SPMAP2L: variants seen among roughly 807,000 people sequenced by gnomAD.
SPMAP2L encodes the protein sperm microtubule associated protein 2-like.
the SPMAP2L span, among the ~76,000 whole-genome samples, chr4:56,552,248 A>G: frequency 1.0e-3 from 154 of 152,308 alleles, 1 homozygote; most frequent in African/African-American, 3.0e-3. Context: ...TAATAGACTG[A>G]TTGAGGTTTT....
At chr4:56,545,276 T>G in the SPMAP2L span, among the ~76,000 whole-genome samples, 2 of 152,206 alleles carry the variant, frequency 1.3e-5, no homozygotes, top group East Asian at 3.8e-4. Context: ...CCTGACTATT[T>G]TTCTCTTTCC....
At chr4:56,617,146 G>A in the SPMAP2L span, among the ~76,000 whole-genome samples, 83 of 152,220 alleles carry the variant, frequency 5.5e-4, no homozygotes, top group African/African-American at 1.8e-3. Flanking sequence ...GTGTACTTGC[G>A]CAAACCTAGG....
chr4:56,590,050 A>G, the SPMAP2L span, among the ~76,000 whole-genome samples: 1 of 152,106 alleles, frequency 6.6e-6, no homozygotes, highest in African/African-American at 2.4e-5. Context: ...TTCCAGTACT[A>G]TGTTGAAGAG....
chr4:56,531,200 CT>C, the SPMAP2L span: 1 of 1,497,958 alleles, frequency 6.7e-7, no homozygotes, highest in Non-Finnish European at 8.9e-7. Context: ...GTCCCCTCTC[CT>C]GCTTCTCCCT....
the SPMAP2L span, among the ~76,000 whole-genome samples, chr4:56,602,898 A>G: frequency 2.6e-5 from 4 of 152,160 alleles, no homozygotes; most frequent in Non-Finnish European, 4.4e-5. Context: ...TAAATGATAC[A>G]TAGGGGATAC....
the SPMAP2L span, among the ~76,000 whole-genome samples, chr4:56,564,112 G>A: frequency 1.0e-4 from 15 of 148,702 alleles, no homozygotes; most frequent in South Asian, 2.3e-3. Flanking sequence ...TATTAATTTC[G>A]TTGAAGCCAC....
the SPMAP2L span, among the ~76,000 whole-genome samples, chr4:56,604,280 A>G: frequency 1.2e-4 from 18 of 152,196 alleles, no homozygotes; most frequent in Non-Finnish European, 2.4e-4. Context: ...TTATGTAGAA[A>G]ATGGGTTCCT....
chr4:56,604,163 A>C, the SPMAP2L span, among the ~76,000 whole-genome samples: 1 of 152,088 alleles, frequency 6.6e-6, no homozygotes, highest in Non-Finnish European at 1.5e-5. Flanking sequence ...AGCAGTTTTG[A>C]ACTTGAGTTT....
the SPMAP2L span, among the ~76,000 whole-genome samples, chr4:56,621,685 C>T: frequency 6.6e-6 from 1 of 152,130 alleles, no homozygotes; most frequent in African/African-American, 2.4e-5. Context: ...AACTTGCCTA[C>T]TGATAAAGAT....
chr4:56,571,545 G>A, the SPMAP2L span, among the ~76,000 whole-genome samples: 1 of 151,910 alleles, frequency 6.6e-6, no homozygotes, highest in African/African-American at 2.4e-5. Context: ...TCAAACTCCT[G>A]GGCTGAAGCA....
the SPMAP2L span, among the ~76,000 whole-genome samples, chr4:56,605,882 C>A: frequency 1.3e-5 from 2 of 152,164 alleles, no homozygotes; most frequent in South Asian, 2.1e-4. Context: ...GATTTAGAAC[C>A]TTGCACCTGG....
the SPMAP2L span, among the ~76,000 whole-genome samples, chr4:56,613,765 T>G: frequency 6.6e-6 from 1 of 152,234 alleles, no homozygotes; most frequent in African/African-American, 2.4e-5. Context: ...CTGCATCATA[T>G]GATTTCAGAT....
At chr4:56,541,373 G>A in the SPMAP2L span, among the ~76,000 whole-genome samples, 26,035 of 152,024 alleles carry the variant, frequency 0.17, 2,438 homozygotes, top group East Asian at 0.4. Context: ...CCTAATGTCA[G>A]ATTTCATGGA....
chr4:56,595,501 C>G, the SPMAP2L span: 2 of 1,552,794 alleles, frequency 1.3e-6, no homozygotes, highest in Non-Finnish European at 1.8e-6. Flanking sequence ...GAAGATGTCT[C>G]CACACTCCCT....
the SPMAP2L span, chr4:56,552,502 A>G: frequency 9.7e-7 from 1 of 1,027,578 alleles, no homozygotes; most frequent in Non-Finnish European, 1.5e-6. Context: ...TAATGTAACC[A>G]CATTTCTTAA....
the SPMAP2L span, among the ~76,000 whole-genome samples, chr4:56,616,767 C>T: frequency 6.6e-6 from 1 of 152,136 alleles, no homozygotes; most frequent in Non-Finnish European, 1.5e-5. Flanking sequence ...GGGAGTCATT[C>T]CTTTTTTAAG....
chr4:56,561,389 T>C, the SPMAP2L span, among the ~76,000 whole-genome samples: 5 of 152,180 alleles, frequency 3.3e-5, no homozygotes, highest in East Asian at 9.6e-4. Context: ...AAGAGGTTTA[T>C]TTAGCTCATG....
the SPMAP2L span, among the ~76,000 whole-genome samples, chr4:56,599,601 T>A: frequency 4.6e-5 from 7 of 152,142 alleles, no homozygotes; most frequent in African/African-American, 1.2e-4. Context: ...CCCCTCTCTG[T>A]GTCCATGCAT....
At chr4:56,615,493 T>G in the SPMAP2L span, among the ~76,000 whole-genome samples, 101 of 152,244 alleles carry the variant, frequency 6.6e-4, no homozygotes, top group Middle Eastern at 3.4e-3. Context: ...ACGCCTGTAA[T>G]CCCAGCACTT....
Sources: allele counts gnomAD v4.1 joint callset (sites outside exome capture counted in the v4.1 genomes callset), GRCh38; gene constraint gnomAD v4.1.1; transcripts MANE v1.5; gene names NCBI Gene and HGNC (gene_info 2026-07-23, HGNC 2026-07-21).